IL1R1: variants seen among roughly 807,000 people sequenced by gnomAD.
The protein encoded by IL1R1 is interleukin 1 receptor type 1, also known as interleukin-1 receptor type 1.
A neutral mutation model predicts 50.2 loss-of-function variants in IL1R1; 22 were observed. The observed-to-expected ratio is 0.44, with a 90% CI of 0.31 to 0.63. The LOEUF (loss-of-function observed/expected upper bound fraction) is 0.63. Among genes scored for constraint, IL1R1 ranks in the 20% least tolerant of loss-of-function variants. The pLI is 0.07. For synonymous variants in IL1R1, 251 were observed against 236.7 expected (o/e 1.06, Z -0.55); for missense variants, 509 against 676.2 (o/e 0.75, Z 2.74).
chr2:102,133,243 CAA>C lies in IL1R1; in HGVS notation c.-83-20680_-83-20679del, dbSNP rs70946673. 3.6e-3 allele frequency among the ~76,000 whole-genome samples: 425 copies of C among 116,810 alleles called. 8 individuals are homozygous for C. The East Asian group carries it at 0.052, about 14-fold the overall frequency. The allele number at this position is 116,810 out of a possible 152,430, so 76.6% of individuals were successfully genotyped here. A position where few individuals can be genotyped will look rare whatever the true frequency, so the allele number is the denominator to read the frequency against. On this transcript the variant is annotated intron_variant, in intron 1 of 10. Coordinates refer to the IL1R1 transcript ENST00000409329. ...TGGGCGACAGAGCAAGACTCTGTCT[CAA>C]AAAAAAAAAAAAAAAAATCTTCCCA...
chr2:102,121,315 C>A (rs887637320), intron 1 of IL1R1, among the ~76,000 whole-genome samples: 1 of 152,246 alleles, frequency 6.6e-6, no homozygotes. Context: ...TTCTATCCCC[C>A]TCCTCGGTGC....
At chr2:102,104,959 T>C (rs1208898445) in intron 1 of IL1R1, 1 of 152,134 alleles carries the variant, frequency 6.6e-6, no homozygotes, top group Non-Finnish European at 1.5e-5. Context: ...TAATGAGGTA[T>C]TTAGGAAAGA....
At chr2:102,098,068 A>G (rs1679981882) in intron 1 of IL1R1, among the ~76,000 whole-genome samples, 1 of 152,088 alleles carries the variant, frequency 6.6e-6, no homozygotes, top group Non-Finnish European at 1.5e-5. Flanking sequence ...ATGAGAATCC[A>G]TGACCGTGTT....
chr2:102,071,075 A>T (rs1242850843), intron 1 of IL1R1, among the ~76,000 whole-genome samples: 1 of 152,204 alleles, frequency 6.6e-6, no homozygotes, highest in Non-Finnish European at 1.5e-5. Context: ...TTTGAAGACT[A>T]GGCATCATTA....
intron 1 of IL1R1, among the ~76,000 whole-genome samples, chr2:102,108,471 G>A (rs1168516983): frequency 2.0e-5 from 3 of 152,062 alleles, no homozygotes; most frequent in Non-Finnish European, 4.4e-5. Flanking sequence ...CCTCAAAGAC[G>A]GGGTCCGGTT....
chr2:102,148,967 A>G (rs1683400714), intron 1 of IL1R1, among the ~76,000 whole-genome samples: 1 of 151,716 alleles, frequency 6.6e-6, no homozygotes, highest in African/African-American at 2.4e-5. Context: ...CAAACAAACA[A>G]ACAAACAAAC....
upstream of IL1R1, among the ~76,000 whole-genome samples, chr2:102,099,820 T>C (rs1329141944): frequency 6.6e-6 from 1 of 152,212 alleles, no homozygotes; most frequent in Non-Finnish European, 1.5e-5. Context: ...TACTTAACAA[T>C]ATGAGGTTAG....
chr2:102,091,041 A>G (rs769604322), intron 1 of IL1R1, among the ~76,000 whole-genome samples: 8 of 152,142 alleles, frequency 5.3e-5, no homozygotes, highest in East Asian at 1.9e-4. Context: ...GTGTTTCTCA[A>G]TTGAGACTTT....
At chr2:102,139,080 G>A (rs989276027), upstream of IL1R1, among the ~76,000 whole-genome samples, 4 of 152,106 alleles carry the variant, frequency 2.6e-5, no homozygotes, top group Non-Finnish European at 4.4e-5. Context: ...GAGTTCTTTG[G>A]GGGTGGTGGG....
chr2:102,111,757 G>A (rs1009625871), intron 1 of IL1R1, among the ~76,000 whole-genome samples: 1 of 152,194 alleles, frequency 6.6e-6, no homozygotes, highest in Non-Finnish European at 1.5e-5. Flanking sequence ...CCAGGGGCCT[G>A]CTTGGTGCCA....
intron 1 of IL1R1, among the ~76,000 whole-genome samples, chr2:102,111,485 C>G (rs1330008433): frequency 6.6e-6 from 1 of 152,204 alleles, no homozygotes; most frequent in Non-Finnish European, 1.5e-5. Context: ...TTCATTATCT[C>G]ATGCATTAAT....
intron 5 of IL1R1, among the ~76,000 whole-genome samples, 192 bp downstream of exon 5, chr2:102,165,496 T>C (rs538870295): frequency 1.9e-4 from 29 of 152,324 alleles, no homozygotes; most frequent in Admixed American, 1.3e-3. Context: ...GAAATTTGTT[T>C]GCTGTTGTTT....
intron 2 of IL1R1, 129 bp downstream of exon 2, chr2:102,154,146 G>T (rs1322055865): frequency 1.3e-5 from 2 of 152,190 alleles, no homozygotes; most frequent in Non-Finnish European, 2.9e-5. Context: ...TATTTCCGTT[G>T]ACACATTACT....
At chr2:102,127,112 T>G (rs542029665) in intron 1 of IL1R1, among the ~76,000 whole-genome samples, 1 of 152,328 alleles carries the variant, frequency 6.6e-6, no homozygotes, top group East Asian at 1.9e-4. Context: ...CCCAGTGTCA[T>G]GTTCAGGCCC....
chr2:102,164,813 C>T lies in IL1R1; in HGVS notation c.101C>T (p.Ser34Leu), dbSNP rs1374298333. 6.2e-7 allele frequency: 1 copy of T among 1,613,722 alleles called. No individual in the cohort carries two copies. Among genetic ancestry groups the T allele is most frequent in the African/African-American group, 1.3e-5 (1 of 74,910 alleles). Residue 34 changes from serine (S) to leucine (L), a missense_variant, in exon 4 of 12, where the codon TCA becomes TTA. Physicochemically the swap from Ser to Leu is moderately radical, Grantham distance 145. Coordinates refer to ENST00000410023, the MANE Select transcript of IL1R1 (RefSeq NM_000877.4). ...CGTGAAGAAAAAATAATTTTAGTGT[C>T]ATCTGCAAATGAAATTGATGTTCGT... ...KEREEKIILV[S>L]SANEIDVRPC...
chr2:102,094,031 A>C (rs1679796568), intron 1 of IL1R1, among the ~76,000 whole-genome samples: 2 of 152,216 alleles, frequency 1.3e-5, no homozygotes, highest in African/African-American at 4.8e-5. Context: ...AAACCAACCA[A>C]CCAACCAACC....
chr2:102,078,629 C>T (rs1679082035), intron 1 of IL1R1, among the ~76,000 whole-genome samples: 1 of 149,316 alleles, frequency 6.7e-6, no homozygotes, highest in South Asian at 2.1e-4. Flanking sequence ...AAGCCCATGC[C>T]CAGATGGTTT....
intron 1 of IL1R1, among the ~76,000 whole-genome samples, chr2:102,095,759 C>G (rs746633219): frequency 2.6e-5 from 4 of 152,206 alleles, no homozygotes; most frequent in Non-Finnish European, 5.9e-5. Flanking sequence ...AATCCCAGCA[C>G]TTTGGGAGGC....
At chr2:102,121,352 C>T (rs374811439) in intron 1 of IL1R1, among the ~76,000 whole-genome samples, 1 of 152,210 alleles carries the variant, frequency 6.6e-6, no homozygotes, top group East Asian at 1.9e-4. Context: ...GCTTCCTCCG[C>T]TTTGCCAGAG....
Sources: gnomAD v4.1 joint callset for allele counts (sites outside exome capture counted in the v4.1 genomes callset) on GRCh38, gnomAD v4.1.1 for gene constraint, MANE v1.5 for transcripts, NCBI Gene and HGNC (gene_info 2026-07-23, HGNC 2026-07-21) for gene names.